NCOA1: variants seen among roughly 807,000 people sequenced by gnomAD.
NCOA1 encodes nuclear receptor coactivator 1.
A neutral mutation model predicts 150.9 loss-of-function variants in NCOA1; 35 were observed. The observed-to-expected ratio is 0.23, with a 90% CI of 0.18 to 0.31. The LOEUF (loss-of-function observed/expected upper bound fraction) is 0.31, where lower values mean the gene tolerates loss of function less well. NCOA1 is among the 10% of genes least tolerant of loss of function. The pLI, the probability that NCOA1 is intolerant of heterozygous loss-of-function variation, is 1.00. For missense variants in NCOA1, 1,491 were observed against 1,749.3 expected (o/e 0.85, Z 2.63); for synonymous variants, 590 against 630.0 (o/e 0.94, Z 0.95).
intron 3 of NCOA1, among the ~76,000 whole-genome samples, chr2:24,628,544 C>G (rs1669535656): frequency 6.6e-6 from 1 of 152,002 alleles, no homozygotes; most frequent in Admixed American, 6.6e-5. Context: ...ACGGAGCTTA[C>G]AGTTGAGTGA....
intron 1 of NCOA1, among the ~76,000 whole-genome samples, chr2:24,495,250 G>A (rs1322556240): frequency 6.6e-6 from 1 of 152,012 alleles, no homozygotes; most frequent in Admixed American, 6.6e-5. Context: ...CAACATATAA[G>A]TCCAATTCCA....
chr2:24,608,821 T>C (rs889754124), intron 3 of NCOA1, among the ~76,000 whole-genome samples: 3 of 151,996 alleles, frequency 2.0e-5, no homozygotes, highest in African/African-American at 4.8e-5. Context: ...TATGACACTT[T>C]CTGGTTTTCC....
intron 14 of NCOA1, among the ~76,000 whole-genome samples, chr2:24,723,357 C>G (rs1674452904): frequency 2.0e-5 from 3 of 152,116 alleles, no homozygotes; most frequent in Admixed American, 1.3e-4. Flanking sequence ...AACCAGTAGC[C>G]TGATAGGCAT....
At chr2:24,694,133 A>T (rs1672792783) in intron 10 of NCOA1, among the ~76,000 whole-genome samples, 1 of 152,216 alleles carries the variant, frequency 6.6e-6, no homozygotes, top group Non-Finnish European at 1.5e-5. Flanking sequence ...AGAGCCTCAA[A>T]CTGAGTAACA....
Position 24,726,643 on chromosome 2 carries a change from C to A in NCOA1, c.2654C>A (p.Thr885Lys). The change falls in exon 15 of 23, where the codon ACA becomes AAA. Residue 885 changes from threonine to lysine, a missense_variant. Thr to Lys is a moderately conservative substitution (Grantham distance 78). Transcript: ENST00000348332. ...GATAACCAATTTGGACAACCAGGAACAGGCGATCAGATTCCATGGACAAAT... is the reference window on the plus strand; with the variant it reads ...GATAACCAATTTGGACAACCAGGAAAAGGCGATCAGATTCCATGGACAAAT... ...AIDNQFGQPG[T>K]GDQIPWTNNT... The A allele has an allele frequency of 6.2e-7, 1 of 1,611,088 alleles. No homozygotes were observed. Among genetic ancestry groups the A allele is most frequent in the Non-Finnish European group, 8.5e-7 (1 of 1,178,698 alleles).
intron 21 of NCOA1, among the ~76,000 whole-genome samples, chr2:24,760,736 C>T (rs1664748825): frequency 6.6e-6 from 1 of 152,090 alleles, no homozygotes; most frequent in African/African-American, 2.4e-5. Context: ...TTATGATATG[C>T]TTCAGTGTAT....
intron 5 of NCOA1, among the ~76,000 whole-genome samples, chr2:24,659,966 T>C (rs150223464): frequency 6.6e-6 from 1 of 152,224 alleles, no homozygotes; most frequent in African/African-American, 2.4e-5. Context: ...TTGGATTACA[T>C]GCTGCTTTCT....
intron 2 of NCOA1, among the ~76,000 whole-genome samples, chr2:24,582,392 C>G (rs1178256945): frequency 6.6e-6 from 1 of 151,956 alleles, no homozygotes; most frequent in Non-Finnish European, 1.5e-5. Context: ...ATAAATTTAA[C>G]CAAGGAGGTG....
intron 19 of NCOA1, among the ~76,000 whole-genome samples, chr2:24,745,111 G>A (rs1052477904): frequency 3.3e-5 from 5 of 151,550 alleles, no homozygotes; most frequent in African/African-American, 9.7e-5. Context: ...CTATGATAAT[G>A]AGTGTAAAAG....
At chr2:24,513,339 T>C (rs1664014723) in intron 1 of NCOA1, among the ~76,000 whole-genome samples, 1 of 152,212 alleles carries the variant, frequency 6.6e-6, no homozygotes, top group Non-Finnish European at 1.5e-5. Flanking sequence ...AATGTAATTG[T>C]TTTGCATGTT....
intron 3 of NCOA1, among the ~76,000 whole-genome samples, chr2:24,593,248 C>G (rs1186142717): frequency 1.3e-5 from 2 of 152,076 alleles, no homozygotes; most frequent in African/African-American, 4.8e-5. Flanking sequence ...TTATTAAACT[C>G]TTTACAGAAA....
At chr2:24,631,484 AC>A (rs34023069) in intron 3 of NCOA1, among the ~76,000 whole-genome samples, 2 of 152,174 alleles carry the variant, frequency 1.3e-5, no homozygotes, top group Non-Finnish European at 2.9e-5. Context: ...CAGTCAGTAT[AC>A]CGGGGTGAGA....
chr2:24,751,288 TTA>T (rs911030600), intron 19 of NCOA1, among the ~76,000 whole-genome samples: 1 of 149,916 alleles, frequency 6.7e-6, no homozygotes, highest in Non-Finnish European at 1.5e-5. Flanking sequence ...TTCTTAACTA[TTA>T]TTTAATTTAC....
intron 1 of NCOA1, among the ~76,000 whole-genome samples, chr2:24,550,769 TAC>T (rs1168873850): frequency 1.3e-5 from 2 of 152,220 alleles, no homozygotes; most frequent in East Asian, 1.9e-4. Flanking sequence ...ACTTGTTTTG[TAC>T]AGTTTCCTTT....
chr2:24,742,588 C>G (rs1012586876), intron 19 of NCOA1, among the ~76,000 whole-genome samples: 3 of 151,664 alleles, frequency 2.0e-5, no homozygotes, highest in African/African-American at 7.3e-5. Context: ...TCCCGAGTAG[C>G]TAGGATTACA....
At chr2:24,578,272 C>G (rs1667066899) in intron 2 of NCOA1, among the ~76,000 whole-genome samples, 2 of 152,004 alleles carry the variant, frequency 1.3e-5, no homozygotes, top group African/African-American at 4.8e-5. Context: ...TAGGAAAGTT[C>G]ATGTAGAGCC....
chr2:24,649,844 G>A (rs936841282), intron 4 of NCOA1, among the ~76,000 whole-genome samples: 11 of 151,994 alleles, frequency 7.2e-5, no homozygotes, highest in African/African-American at 2.7e-4. Flanking sequence ...AGCTTTTAGT[G>A]GTAAACACAG....
intron 1 of NCOA1, among the ~76,000 whole-genome samples, chr2:24,547,701 T>A (rs914078387): frequency 2.6e-5 from 4 of 151,072 alleles, no homozygotes; most frequent in Admixed American, 1.3e-4. Context: ...AAAAAAAGGA[T>A]GAGGGAGCCA....
chr2:24,535,918 A>G (rs111997272), intron 1 of NCOA1, among the ~76,000 whole-genome samples: 7,867 of 152,124 alleles, frequency 0.052, 291 homozygotes, highest in East Asian at 0.2. Context: ...GAATCCAACA[A>G]TTATGTGTCT....
Sources: allele counts gnomAD v4.1 joint callset (sites outside exome capture counted in the v4.1 genomes callset), GRCh38; gene constraint gnomAD v4.1.1; transcripts MANE v1.5; gene names NCBI Gene and HGNC (gene_info 2026-07-23, HGNC 2026-07-21).